Variants in ANK3 observed in about 807,000 individuals in gnomAD.
The protein encoded by ANK3 is ankyrin 3, also known as ankyrin-3.
ANK3 carries 57 observed loss-of-function variants against 370.9 expected under a neutral mutation model. The observed-to-expected ratio is 0.15, with a 90% CI of 0.12 to 0.19. ANK3 has a LOEUF of 0.19. ANK3 is among the 10% of genes least tolerant of loss of function. ANK3 has a pLI of 1.00. For synonymous variants in ANK3, 1,929 were observed against 1,946.3 expected (o/e 0.99, Z 0.23); for missense variants, 4,439 against 5,302.1 (o/e 0.84, Z 5.06).
At chr10:60,442,096 C>CTTTT (rs34573283) in intron 2 of ANK3, among the ~76,000 whole-genome samples, 6 of 134,984 alleles carry the variant, frequency 4.4e-5, no homozygotes, top group African/African-American at 8.4e-5. Flanking sequence ...CTCCCATATA[C>CTTTT]TTTTTTTTTT....
chr10:60,605,838 A>G (rs1567175972), intron 2 of ANK3, among the ~76,000 whole-genome samples: 1 of 152,316 alleles, frequency 6.6e-6, no homozygotes, highest in Non-Finnish European at 1.5e-5. Flanking sequence ...GATGATTTTT[A>G]AAAATCAAAT....
chr10:60,071,234 G>T lies in ANK3; in HGVS notation c.9647C>A (p.Thr3216Asn), dbSNP rs763876187. The T allele has an allele frequency of 3.7e-6, 6 of 1,613,970 alleles. No homozygotes were observed. In the African/African-American group the frequency reaches 6.7e-5, roughly 18 times the overall value. Residue 3216 changes from threonine (T) to asparagine (N), a missense_variant, in exon 37 of 44, where the codon ACC becomes AAC. Thr to Asn is a moderately conservative substitution (Grantham distance 65, BLOSUM62 0). This residue lies in a region of ANK3 where 1,601 missense variants were observed against 1,731.7 expected (regional missense o/e 0.92). Transcript: ENST00000280772. ...CTCCACTGTAGTCTGCTTAAGGGAGGTTGACTTGGCCTGTTCCTCCTCCTC... is the reference window on the plus strand; with the variant it reads ...CTCCACTGTAGTCTGCTTAAGGGAGTTTGACTTGGCCTGTTCCTCCTCCTC... Reference protein sequence around the residue: ...ESEEEEQAKSTSLKQTTVEET... With the variant: ...ESEEEEQAKSNSLKQTTVEET...
Position 60,074,467 on chromosome 10 carries a change from A to C in ANK3, c.6414T>G (p.Pro2138=). 1 of 1,614,034 alleles carries C rather than the reference A, an allele frequency of 6.2e-7. No homozygotes were observed. Among genetic ancestry groups the C allele is most frequent in the Non-Finnish European group, 8.5e-7 (1 of 1,179,974 alleles). The change falls in exon 37 of 44, where the codon CCT becomes CCG. Residue 2138 remains proline (P), a synonymous_variant. Transcript: ENST00000280772. ...SGFETRSEKT[P]SAPQSAESTG... Reference sequence around the variant, plus strand: ...TGCTTTCAGCGCTTTGTGGGGCTGAAGGTGTCTTTTCACTTCTTGTTTCAA... The same window carrying C: ...TGCTTTCAGCGCTTTGTGGGGCTGACGGTGTCTTTTCACTTCTTGTTTCAA...
At chr10:60,463,836 AT>A (rs78354094) in intron 2 of ANK3, among the ~76,000 whole-genome samples, 51,880 of 151,300 alleles carry the variant, frequency 0.34, 9,095 homozygotes, top group East Asian at 0.51. Flanking sequence ...CTCTAGAAAG[AT>A]TTTTTTTTGT....
intron 2 of ANK3, among the ~76,000 whole-genome samples, chr10:60,605,811 T>C (rs1051892261): frequency 6.6e-6 from 1 of 152,310 alleles, no homozygotes; most frequent in Middle Eastern, 3.4e-3. Flanking sequence ...TAAGAGCTTC[T>C]CTGCTCATTT....
chr10:60,232,364 G>A (rs2097258998), intron 8 of ANK3, among the ~76,000 whole-genome samples: 1 of 126,290 alleles, frequency 7.9e-6, no homozygotes, highest in African/African-American at 2.5e-5. Context: ...CTTTACAAAT[G>A]TTCCTTTTTC....
At chr10:60,507,921 T>C (rs1158314901) in intron 2 of ANK3, 3 of 152,122 alleles carry the variant, frequency 2.0e-5, no homozygotes, top group Non-Finnish European at 4.4e-5. Flanking sequence ...CTTCTAAATA[T>C]AGATCTAATA....
chr10:60,390,401 G>A (rs1030614953), upstream of ANK3, among the ~76,000 whole-genome samples: 2 of 152,122 alleles, frequency 1.3e-5, no homozygotes, highest in Non-Finnish European at 2.9e-5. Flanking sequence ...GGGTCTGAGG[G>A]TCAGGAATCT....
At chr10:60,577,867 ATCT>A (rs1385587348) in intron 2 of ANK3, among the ~76,000 whole-genome samples, 2 of 152,214 alleles carry the variant, frequency 1.3e-5, no homozygotes, top group African/African-American at 2.4e-5. Flanking sequence ...ACATTGGTAC[ATCT>A]TCTTACAGCA....
In ANK3 at chr10:60,055,770, G is replaced by T. The variant is rs536020200; in HGVS notation, c.12953C>A (p.Thr4318Asn). The T allele has an allele frequency of 1.6e-5, 26 of 1,614,090 alleles. No homozygotes were observed. Among genetic ancestry groups the T allele is most frequent in the Non-Finnish European group, 2.2e-5 (26 of 1,180,036 alleles). The change falls in exon 42 of 44, where the codon ACT (threonine) becomes AAT (asparagine). Residue 4318 changes from threonine (T) to asparagine (N), a missense_variant. Transcript: ENST00000280772. ...CATACTGACAGGCACACAGGGTTTA[G>T]TCTCTTCTATTATAAGCTTGCTGGT... ...EETSKLIIEETKPCVPVSMKK... is the reference protein window; with the variant it reads ...EETSKLIIEENKPCVPVSMKK...
At chr10:60,714,461 A>G (rs897721014) in intron 1 of ANK3, among the ~76,000 whole-genome samples, 2 of 152,212 alleles carry the variant, frequency 1.3e-5, no homozygotes, top group Non-Finnish European at 2.9e-5. Flanking sequence ...ACAAACCACT[A>G]TCTTTCATAA....
At chr10:60,394,722 G>A (rs2132883875), upstream of ANK3, among the ~76,000 whole-genome samples, 1 of 152,328 alleles carries the variant, frequency 6.6e-6, no homozygotes, top group South Asian at 2.1e-4. Flanking sequence ...GTGCCTGGCA[G>A]AGTTCTGAGT....
At chr10:60,685,668 G>A (rs964730909) in intron 1 of ANK3, among the ~76,000 whole-genome samples, 15 of 152,148 alleles carry the variant, frequency 9.9e-5, no homozygotes, top group African/African-American at 3.6e-4. Context: ...ATTGAAAATG[G>A]GAATGGAAAA....
Position 60,064,284 on chromosome 10 carries a change from C to T in ANK3, c.12324G>A (p.Leu4108=). The T allele has an allele frequency of 6.4e-7, 1 of 1,565,728 alleles. No homozygotes were observed. Among genetic ancestry groups the T allele is most frequent in the South Asian group, 1.2e-5 (1 of 81,346 alleles). Residue 4108 remains leucine (L), a synonymous_variant, in exon 39 of 44, where the codon CTG becomes CTA. Coordinates refer to ENST00000280772, the MANE Select transcript of ANK3 (RefSeq NM_020987.5). ...ADHLGLSWTE[L]ARELNFSVDE... is the part of the protein sequence containing the mutation. ...CCACTGAAAAATTCAGTTCCCTTGC[C>T]AGTTCTGTAGAAAAGAAAGAGAGTT...
intron 23 of ANK3, among the ~76,000 whole-genome samples, chr10:60,157,330 C>T (rs1190380852): frequency 7.0e-6 from 1 of 143,806 alleles, no homozygotes; most frequent in Non-Finnish European, 1.5e-5. Flanking sequence ...AGCCACTGTG[C>T]CCGGCTTTTT....
At chr10:60,201,540 C>A (rs1349551094) in intron 12 of ANK3, among the ~76,000 whole-genome samples, 1 of 152,108 alleles carries the variant, frequency 6.6e-6, no homozygotes, top group Non-Finnish European at 1.5e-5. Flanking sequence ...TGGTAAGTTA[C>A]CACTCTGATA....
intron 1 of ANK3, among the ~76,000 whole-genome samples, chr10:60,617,988 T>A (rs2078286991): frequency 6.6e-6 from 1 of 152,200 alleles, no homozygotes; most frequent in Non-Finnish European, 1.5e-5. Flanking sequence ...TGATGTTGAC[T>A]ATGGGCTTAA....
intron 1 of ANK3, among the ~76,000 whole-genome samples, chr10:60,333,185 T>C (rs1055890067): frequency 1.3e-5 from 2 of 152,166 alleles, no homozygotes; most frequent in African/African-American, 4.8e-5. Context: ...AGTTCTGAGA[T>C]ACATGTGCAG....
chr10:60,052,762 T>C (rs1589286554), intron 42 of ANK3, among the ~76,000 whole-genome samples: 1 of 152,118 alleles, frequency 6.6e-6, no homozygotes, highest in Admixed American at 6.6e-5. Flanking sequence ...AGTTAATTCA[T>C]TACCTCAAAT....
Sources: gnomAD v4.1 joint callset for allele counts (sites outside exome capture counted in the v4.1 genomes callset) on GRCh38, gnomAD v4.1.1 for gene constraint, gnomAD v4.1.1 regional missense constraint, MANE v1.5 for transcripts, NCBI Gene and HGNC (gene_info 2026-07-23, HGNC 2026-07-21) for gene names.